The following NCKAP5 variants were observed in gnomAD, a reference collection of about 807,000 sequenced individuals.
The protein encoded by NCKAP5 is nck-associated protein 5.
A neutral mutation model predicts 167.0 loss-of-function variants in NCKAP5; 92 were observed. That is an observed-to-expected ratio of 0.55 (90% CI 0.47 to 0.66). NCKAP5 has a LOEUF of 0.66. Among genes scored for constraint, NCKAP5 ranks in the 30% least tolerant of loss-of-function variants. The probability of loss-of-function intolerance (pLI) is 0.00; values close to 1 mark genes in which losing one functional copy is unlikely to be tolerated. For missense variants in NCKAP5, 2,378 were observed against 2,315.0 expected, an observed-to-expected ratio of 1.03 and a Z score of -0.56; for synonymous variants, 891 against 877.4, an observed-to-expected ratio of 1.02 and a Z score of -0.27.
intron 8 of NCKAP5, among the ~76,000 whole-genome samples, chr2:132,886,710 G>A (rs962902062): frequency 2.0e-5 from 3 of 152,166 alleles, no homozygotes; most frequent in East Asian, 3.9e-4. Context: ...TATTTATGGC[G>A]AGAATATCAT....
chr2:133,548,760 G>A (rs2104936741), intron 2 of NCKAP5, among the ~76,000 whole-genome samples: 1 of 152,234 alleles, frequency 6.6e-6, no homozygotes, highest in South Asian at 2.1e-4. Flanking sequence ...ACCGGTACCA[G>A]CCGCTGCAAA....
the NCKAP5 span, among the ~76,000 whole-genome samples, chr2:133,658,831 G>A: frequency 4.8e-4 from 73 of 152,120 alleles, no homozygotes; most frequent in Non-Finnish European, 9.1e-4. Context: ...CTTGACTGTG[G>A]CTTCTTAAGC....
At chr2:133,543,411 A>T (rs1686391387) in intron 2 of NCKAP5, among the ~76,000 whole-genome samples, 1 of 152,174 alleles carries the variant, frequency 6.6e-6, no homozygotes, top group South Asian at 2.1e-4. Flanking sequence ...AGCAATGCAA[A>T]ATGGACTAAT....
intron 6 of NCKAP5, among the ~76,000 whole-genome samples, chr2:133,083,698 G>C (rs1180011754): frequency 6.6e-6 from 1 of 152,126 alleles, no homozygotes; most frequent in East Asian, 1.9e-4. Flanking sequence ...GTGTGTGAAT[G>C]AAAAAGAAAC....
intron 8 of NCKAP5, among the ~76,000 whole-genome samples, chr2:132,894,218 C>T (rs927346921): frequency 7.2e-5 from 11 of 152,158 alleles, no homozygotes; most frequent in Admixed American, 2.0e-4. Context: ...AATAAAACAG[C>T]GGCACTGAGG....
chr2:133,248,860 T>C (rs2088145953), intron 4 of NCKAP5, among the ~76,000 whole-genome samples: 1 of 152,218 alleles, frequency 6.6e-6, no homozygotes, highest in South Asian at 2.1e-4. Context: ...TCTTCCTTCC[T>C]TCCTGAGTTC....
chr2:132,813,724 A>C (rs1686057571), intron 11 of NCKAP5, among the ~76,000 whole-genome samples: 1 of 152,130 alleles, frequency 6.6e-6, no homozygotes, highest in South Asian at 2.1e-4. Flanking sequence ...TTATCACTTA[A>C]CTTTGGAAGA....
At chr2:132,992,256 T>TG (rs1190969205) in intron 7 of NCKAP5, among the ~76,000 whole-genome samples, 12 of 152,322 alleles carry the variant, frequency 7.9e-5, no homozygotes, top group African/African-American at 2.9e-4. Context: ...ACGAATAGAC[T>TG]GGGTTATGGA....
At chr2:133,542,212 T>C (rs893626757) in intron 2 of NCKAP5, among the ~76,000 whole-genome samples, 6 of 152,150 alleles carry the variant, frequency 3.9e-5, no homozygotes, top group African/African-American at 1.4e-4. Flanking sequence ...TCTATGACAA[T>C]ACAGTTACAA....
chr2:132,693,542 A>G (rs1322391652), intron 19 of NCKAP5, among the ~76,000 whole-genome samples: 1 of 151,648 alleles, frequency 6.6e-6, no homozygotes, highest in East Asian at 1.9e-4. Context: ...GAATGCAAGC[A>G]GGGCCCTGCC....
intron 6 of NCKAP5, among the ~76,000 whole-genome samples, chr2:133,029,843 T>C (rs905553285): frequency 6.6e-6 from 1 of 152,210 alleles, no homozygotes; most frequent in Non-Finnish European, 1.5e-5. Context: ...TTTATTTTCC[T>C]GCTCCAAACA....
intron 4 of NCKAP5, among the ~76,000 whole-genome samples, chr2:133,280,613 A>G (rs2089901982): frequency 6.6e-6 from 1 of 152,112 alleles, no homozygotes. Context: ...CAAATTTGTG[A>G]TGACTTAGAT....
chr2:133,043,171 A>G lies in NCKAP5; in HGVS notation c.342-48932T>C, dbSNP rs2079271940. 1.3e-5 allele frequency among the ~76,000 whole-genome samples: 2 copies of G among 152,212 alleles called. 1 individual carries two copies. Among genetic ancestry groups the G allele is most frequent in the South Asian group, 4.1e-4 (2 of 4,836 alleles). ...TGCCACAAATTATTCTGTGAAAAAG[A>G]GCAGTTTTCTATAGAACTAATGTAA... On this transcript the variant is annotated intron_variant, in intron 6 of 19. Transcript: ENST00000409261.
intron 6 of NCKAP5, among the ~76,000 whole-genome samples, chr2:133,129,257 C>A (rs2082512268): frequency 6.6e-6 from 1 of 152,010 alleles, no homozygotes; most frequent in South Asian, 2.1e-4. Flanking sequence ...CCCCCCACCC[C>A]ACAACAGTCC....
At chr2:133,657,245 C>G in the NCKAP5 span, among the ~76,000 whole-genome samples, 2 of 152,212 alleles carry the variant, frequency 1.3e-5, no homozygotes, top group Admixed American at 1.3e-4. Context: ...CCTCACCCAT[C>G]TTGCCCATGC....
rs776445691 is a variant in NCKAP5 at position 132,784,249 on chromosome 2, C to G, written c.2562G>C (p.Gly854=). ...LSRFMKTESS[G]PLFELRSDPH... ...GATCTGATCGTAATTCAAAGAGGGGCCCTGAGCTCTCAGTCTTCATGAATC... is the reference window on the plus strand; with the variant it reads ...GATCTGATCGTAATTCAAAGAGGGGGCCTGAGCTCTCAGTCTTCATGAATC... Residue 854 remains glycine, a synonymous_variant, in exon 14 of 20, where the codon GGG becomes GGC. Transcript: ENST00000409261. 1.9e-6 allele frequency: 3 copies of G among 1,606,220 alleles called. No individual in the cohort carries two copies. In the Admixed American group the frequency reaches 5.1e-5, roughly 27 times the overall value.
chr2:132,683,426 G>A (rs1353228325), intron 19 of NCKAP5, among the ~76,000 whole-genome samples: 1 of 152,152 alleles, frequency 6.6e-6, no homozygotes, highest in Non-Finnish European at 1.5e-5. Flanking sequence ...GCAAAGACAT[G>A]TGGATTCACC....
In NCKAP5 at chr2:133,129,988, G is replaced by A. The variant is rs1387628465; in HGVS notation, c.331C>T (p.Gln111Ter). 6.2e-7 allele frequency: 1 copy of A among 1,606,238 alleles called. No individual in the cohort carries two copies. The highest frequency in any genetic ancestry group is 1.1e-5 in the South Asian group (1 of 89,044). Residue 111 changes from glutamine to a stop codon, truncating the protein, a stop_gained, in exon 6 of 20, where the codon CAG (glutamine) becomes TAG (stop). Coordinates refer to ENST00000409261, the MANE Select transcript of NCKAP5 (RefSeq NM_207363.3). LOFTEE classifies it high-confidence loss of function. ...AGCTAAGAACAATACCTGGAGAACT[G>A]CTGCTGCAAGCTACGCATCTGAATT... ...NRIQMRSLQQ[Q>*]FSRMEETVRN...
chr2:132,797,899 TATTCAACAAAC>T (rs1684731097), intron 11 of NCKAP5, among the ~76,000 whole-genome samples: 1 of 152,180 alleles, frequency 6.6e-6, no homozygotes, highest in Non-Finnish European at 1.5e-5. Flanking sequence ...GTTAGGTGAT[TATTCAACAAAC>T]ATTTATACAG....
Sources: allele counts gnomAD v4.1 joint callset (sites outside exome capture counted in the v4.1 genomes callset), GRCh38; gene constraint gnomAD v4.1.1; transcripts MANE v1.5; gene names NCBI Gene and HGNC (gene_info 2026-07-23, HGNC 2026-07-21).